IPO5: variants seen among roughly 807,000 people sequenced by gnomAD.
IPO5 encodes importin 5.
Under a neutral mutation model 143.3 loss-of-function variants are expected in IPO5, and 18 were observed. The observed-to-expected ratio is 0.13, with a 90% CI of 0.09 to 0.19. The LOEUF (loss-of-function observed/expected upper bound fraction) is 0.19, where lower values mean the gene tolerates loss of function less well. IPO5 is among the 10% of genes least tolerant of loss of function. The pLI is 1.00. For synonymous variants in IPO5, 477 were observed against 465.7 expected, an observed-to-expected ratio of 1.02 and a Z score of -0.31; for missense variants, 1,013 against 1,336.9, an observed-to-expected ratio of 0.76 and a Z score of 3.78.
rs567799644 is a variant in IPO5, at chr13:97,959,386, G to A, written c.-113+5188G>A. ...CGTATTGTCACCTCTGCTTGAGAGA[G>A]CCTCCTCCATTTCTTTATTTGCCTC... On this transcript the variant is annotated intron_variant, in intron 2 of 28. Coordinates refer to ENST00000651721, the MANE Select transcript of IPO5 (RefSeq NM_002271.6). 2.0e-5 allele frequency among the ~76,000 whole-genome samples: 3 copies of A among 151,804 alleles called. No individual in the cohort carries two copies. In the South Asian group the frequency reaches 6.3e-4, roughly 32 times the overall value.
chr13:97,986,414 G>A (rs1887353755), intron 6 of IPO5, among the ~76,000 whole-genome samples: 1 of 151,622 alleles, frequency 6.6e-6, no homozygotes, highest in Admixed American at 6.6e-5. Context: ...GGAGTGCAGT[G>A]GTGCAATCTT....
intron 13 of IPO5, chr13:98,002,032 G>A (rs1384838150): frequency 7.1e-6 from 1 of 141,288 alleles, no homozygotes; most frequent in Non-Finnish European, 1.5e-5. Context: ...TTTTTTTTTT[G>A]AGACAGAGTC....
intron 2 of IPO5, among the ~76,000 whole-genome samples, chr13:97,956,131 CA>C (rs5806042): frequency 7.3e-4 from 84 of 115,234 alleles, no homozygotes; most frequent in East Asian, 2.5e-3. Flanking sequence ...GACTCCGTGT[CA>C]AAAAAAAAAA....
At chr13:97,989,379 C>T (rs1197479838) in intron 7 of IPO5, among the ~76,000 whole-genome samples, 3 of 152,072 alleles carry the variant, frequency 2.0e-5, no homozygotes, top group Non-Finnish European at 4.4e-5. Context: ...TTCTCTACAG[C>T]TTGCTTGCTT....
intron 6 of IPO5, chr13:97,987,950 AT>A (rs34796635): frequency 0.13 from 29,437 of 233,822 alleles, 1,065 homozygotes; most frequent in East Asian, 0.36. Flanking sequence ...GCTCTCATAG[AT>A]TTTTTTTTTT....
At chr13:98,012,180 G>A in intron 20 of IPO5, 66 bp from the exon 21 acceptor site, 3 of 947,520 alleles carry the variant, frequency 3.2e-6, no homozygotes, top group South Asian at 2.6e-5. Context: ...TGATTTTGCT[G>A]TTTGTTAATA....
intron 6 of IPO5, chr13:97,988,025 C>CA (rs1887516509): frequency 3.5e-6 from 1 of 285,164 alleles, no homozygotes. Context: ...TTAATGTCAG[C>CA]TTAGCAGCAC....
intron 2 of IPO5, among the ~76,000 whole-genome samples, chr13:97,955,588 C>T (rs1884399916): frequency 6.6e-6 from 1 of 152,114 alleles, no homozygotes; most frequent in African/African-American, 2.4e-5. Context: ...CCTGTGTATC[C>T]ACCACTCTAC....
intron 4 of IPO5, chr13:97,977,144 C>T (rs1356802541): frequency 1.9e-5 from 3 of 155,510 alleles, no homozygotes; most frequent in African/African-American, 7.2e-5. Context: ...CCGCTTTCTC[C>T]CAGTGGGAGC....
intron 25 of IPO5, among the ~76,000 whole-genome samples, chr13:98,017,480 A>G (rs1890202015): frequency 6.6e-6 from 1 of 151,976 alleles, no homozygotes; most frequent in Non-Finnish European, 1.5e-5. Context: ...TTTGTATTTT[A>G]GTAGAGATGG....
Position 98,023,696 on chromosome 13 carries a change from C to G in IPO5, c.*1874C>G, listed in dbSNP as rs1456716872. On this transcript the variant is annotated 3_prime_UTR_variant, in exon 29 of 29. Transcript: ENST00000651721. Reference sequence around the variant, plus strand: ...GCCGTTAGTATCTGAGATGTACTTACAGCAGGGTTCTAAGAGCTCTGAAAG... The same window carrying G: ...GCCGTTAGTATCTGAGATGTACTTAGAGCAGGGTTCTAAGAGCTCTGAAAG... The G allele has an allele frequency of 4.6e-5, 7 of 152,260 alleles. 1 individual carries two copies. The highest frequency in any genetic ancestry group is 6.5e-5 in the Admixed American group (1 of 15,288). The allele number at this position is 152,260 out of a possible 1,614,324, so 9.4% of individuals were successfully genotyped here.
At chr13:97,983,879 A>G (rs1245426778) in intron 5 of IPO5, among the ~76,000 whole-genome samples, 2 of 151,484 alleles carry the variant, frequency 1.3e-5, no homozygotes, top group Admixed American at 6.6e-5. Context: ...CTAGATGACA[A>G]GAGGTACTTC....
At chr13:97,990,601 AT>A in intron 9 of IPO5, 64 bp downstream of exon 9, 1 of 870,848 alleles carries the variant, frequency 1.1e-6, no homozygotes. Flanking sequence ...GCATTCAATC[AT>A]TTATGCAATA....
rs1162922402 is a variant in IPO5 at position 98,002,493 on chromosome 13, T to G, written c.1135T>G (p.Leu379Val). The G allele has an allele frequency of 6.2e-7, 1 of 1,614,108 alleles. No homozygotes were observed. Among genetic ancestry groups the G allele is most frequent in the Non-Finnish European group, 8.5e-7 (1 of 1,179,972 alleles). Residue 379 changes from leucine to valine, a missense_variant, in exon 14 of 29, where the codon TTG becomes GTG. Physicochemically the swap from Leu to Val is conservative, Grantham distance 32. Around this residue, in one of 2 missense-constraint regions of IPO5, gnomAD observed 685 missense variants for 994.9 expected, o/e 0.69. Transcript: ENST00000651721. ...NPDWKYRHAG[L>V]MALSAIGEGC... ...TGACTGGAAATACCGGCATGCAGGA[T>G]TGATGGCCTTATCTGCCATTGGTGA...
At chr13:98,015,242 T>TTGTGTGTGTGTG (rs1179382229) in intron 22 of IPO5, among the ~76,000 whole-genome samples, 2,799 of 147,774 alleles carry the variant, frequency 0.019, 46 homozygotes, top group African/African-American at 0.029. Flanking sequence ...TAGGAGCTGG[T>TTGTGTGTGTGTG]TGTGTGTGTG....
chr13:97,978,603 CTT>C (rs1310991485), intron 4 of IPO5, among the ~76,000 whole-genome samples: 2 of 152,088 alleles, frequency 1.3e-5, no homozygotes, highest in African/African-American at 4.8e-5. Context: ...TCTGGTAACT[CTT>C]GAGATAATTT....
chr13:97,990,192 T>G lies in IPO5; in HGVS notation c.534T>G (p.Val178=). ...HYLDVIKRML[V]QCMQDQEHPS... Reference sequence around the variant, plus strand: ...TAGATGTCATCAAACGAATGTTAGTTCAGTGTATGCAAGATCAGGAACACC... The same window carrying G: ...TAGATGTCATCAAACGAATGTTAGTGCAGTGTATGCAAGATCAGGAACACC... The change falls in exon 8 of 29, where the codon GTT becomes GTG. Residue 178 remains valine (V), a synonymous_variant. Transcript: ENST00000651721. 6.2e-7 allele frequency: 1 copy of G among 1,612,362 alleles called. No individual in the cohort carries two copies. The highest frequency in any genetic ancestry group is 8.5e-7 in the Non-Finnish European group (1 of 1,178,468).
In IPO5 at chr13:97,993,118, C is replaced by T; in HGVS notation, c.806C>T (p.Thr269Ile). 2 of 1,614,024 alleles carry T rather than the reference C, an allele frequency of 1.2e-6. No homozygotes were observed. The highest frequency in any genetic ancestry group is 1.3e-5 in the African/African-American group (1 of 75,052). The change falls in exon 11 of 29, where the codon ACT (threonine) becomes ATT (isoleucine). Residue 269 changes from threonine to isoleucine, a missense_variant. By Grantham distance (89) the Thr-to-Ile change is moderately conservative. Around this residue, in one of 2 missense-constraint regions of IPO5, gnomAD observed 328 missense variants for 342.0 expected, o/e 0.96. Coordinates refer to ENST00000651721, the MANE Select transcript of IPO5 (RefSeq NM_002271.6). ...LQLSLKLCGD[T>I]SLNNMQRQLA... ...TCTTCTTTGTAGTTGTGTGGAGACA[C>T]TAGCCTCAACAATATGCAACGCCAG...
chr13:97,967,825 G>GT (rs1484572954), intron 2 of IPO5, among the ~76,000 whole-genome samples: 1 of 152,092 alleles, frequency 6.6e-6, no homozygotes, highest in Non-Finnish European at 1.5e-5. Flanking sequence ...CAGAGACGGC[G>GT]TTTCACCATG....
Sources: gnomAD v4.1 joint callset for allele counts (sites outside exome capture counted in the v4.1 genomes callset) on GRCh38, gnomAD v4.1.1 for gene constraint, gnomAD v4.1.1 regional missense constraint, MANE v1.5 for transcripts, NCBI Gene and HGNC (gene_info 2026-07-23, HGNC 2026-07-21) for gene names.